Variants in DNAH9 observed in about 807,000 individuals in gnomAD.
The protein encoded by DNAH9 is dynein axonemal heavy chain 9.
A neutral mutation model predicts 471.6 loss-of-function variants in DNAH9; 345 were observed. The ratio of observed to expected loss-of-function variants is 0.73; its 90% CI spans 0.67 to 0.80. The LOEUF is 0.80. Among genes scored for constraint, DNAH9 ranks in the 30% least tolerant of loss-of-function variants. DNAH9 has a pLI of 0.00. For missense variants in DNAH9, 5,407 were observed against 5,609.2 expected, an observed-to-expected ratio of 0.96 and a Z score of 1.15; for synonymous variants, 2,093 against 2,123.6, an observed-to-expected ratio of 0.99 and a Z score of 0.40.
chr17:11,923,837 A>C lies in DNAH9; in HGVS notation c.11773A>C (p.Asn3925His). The C allele has an allele frequency of 6.2e-7, 1 of 1,614,054 alleles. No homozygotes were observed. The highest frequency in any genetic ancestry group is 1.1e-5 in the South Asian group (1 of 91,064). ...SQGRKLGYTFNNQNFHNVSLG... is the reference protein window; with the variant it reads ...SQGRKLGYTFHNQNFHNVSLG... ...AGGAAGAAAACTTGGATACACCTTCAACAATCAGAACTTTCACAACGTGTC... is the reference window on the plus strand; with the variant it reads ...AGGAAGAAAACTTGGATACACCTTCCACAATCAGAACTTTCACAACGTGTC... Residue 3925 changes from asparagine (N) to histidine (H), a missense_variant, in exon 62 of 69, where the codon AAC (asparagine) becomes CAC (histidine). Physicochemically the swap from Asn to His is moderately conservative, Grantham distance 68 (BLOSUM62 1). Around this residue, in one of 3 missense-constraint regions of DNAH9, gnomAD observed 4,636 missense variants for 4,900.3 expected, o/e 0.95. Transcript: ENST00000262442.
At chr17:11,679,109 T>G (rs2150739539) in intron 17 of DNAH9, among the ~76,000 whole-genome samples, 1 of 152,336 alleles carries the variant, frequency 6.6e-6, no homozygotes, top group Non-Finnish European at 1.5e-5. Flanking sequence ...TTAAGCCTTC[T>G]CTTTTATTGT....
chr17:11,830,626 G>T (rs1970654409), intron 48 of DNAH9, among the ~76,000 whole-genome samples: 1 of 152,148 alleles, frequency 6.6e-6, no homozygotes, highest in African/African-American at 2.4e-5. Context: ...ATAGAGAGAG[G>T]AAAGAGAAAA....
At chr17:11,654,328 C>T in intron 14 of DNAH9, among the ~76,000 whole-genome samples, 1 of 38,316 alleles carries the variant, frequency 2.6e-5, no homozygotes, top group African/African-American at 7.8e-5. Flanking sequence ...TGCACTCCAG[C>T]CTGGGCCACA....
chr17:11,746,524 C>G (rs1966885657), intron 31 of DNAH9, among the ~76,000 whole-genome samples: 1 of 152,120 alleles, frequency 6.6e-6, no homozygotes, highest in Non-Finnish European at 1.5e-5. Context: ...GTTATAAAAC[C>G]ATCAGATCTC....
chr17:11,854,682 A>G (rs983656772), intron 50 of DNAH9, among the ~76,000 whole-genome samples: 1 of 152,216 alleles, frequency 6.6e-6, no homozygotes, highest in Non-Finnish European at 1.5e-5. Context: ...CCTTTTCTGA[A>G]CAAAAGGTTA....
chr17:11,668,976 C>A, intron 15 of DNAH9, 88 bp from the exon 16 acceptor site: 1 of 918,570 alleles, frequency 1.1e-6, no homozygotes. Context: ...TAAAGAAAAG[C>A]ATTGCTCTGG....
intron 48 of DNAH9, among the ~76,000 whole-genome samples, chr17:11,829,421 T>C (rs1970614064): frequency 6.6e-6 from 1 of 152,198 alleles, no homozygotes; most frequent in Non-Finnish European, 1.5e-5. Context: ...ATGATGAAAA[T>C]TAACAATTAT....
At chr17:11,736,025 C>A (rs1311390373) in intron 28 of DNAH9, among the ~76,000 whole-genome samples, 1 of 151,978 alleles carries the variant, frequency 6.6e-6, no homozygotes, top group Non-Finnish European at 1.5e-5. Flanking sequence ...TTATTTTGAA[C>A]CAATTTTAGA....
At chr17:11,719,138 C>T (rs1300435793) in intron 26 of DNAH9, among the ~76,000 whole-genome samples, 196 bp from the exon 27 acceptor site, 2 of 152,026 alleles carry the variant, frequency 1.3e-5, no homozygotes, top group East Asian at 3.9e-4. Flanking sequence ...GCCTCTGATG[C>T]CCTGCATGGA....
intron 62 of DNAH9, among the ~76,000 whole-genome samples, chr17:11,925,649 C>G (rs921418909): frequency 6.6e-6 from 1 of 152,150 alleles, no homozygotes; most frequent in Non-Finnish European, 1.5e-5. Flanking sequence ...ACTGTGGTGC[C>G]GCCTCTGCTG....
At chr17:11,884,401 A>T in intron 56 of DNAH9, 2 of 337,114 alleles carry the variant, frequency 5.9e-6, no homozygotes, top group Admixed American at 6.6e-5. Flanking sequence ...CAAACCTCCA[A>T]CAAGGCCTTT....
intron 1 of DNAH9, among the ~76,000 whole-genome samples, chr17:11,603,914 C>T (rs2072440992): frequency 6.6e-6 from 1 of 152,140 alleles, no homozygotes; most frequent in African/African-American, 2.4e-5. Context: ...AGCTCATGAT[C>T]ATCCTCTCTT....
intron 67 of DNAH9, among the ~76,000 whole-genome samples, chr17:11,947,613 A>C (rs1312829216): frequency 6.6e-6 from 1 of 152,062 alleles, no homozygotes; most frequent in African/African-American, 2.4e-5. Context: ...ATAAAAGTTA[A>C]ATTCACCTGT....
chr17:11,666,527 G>A (rs764010935), intron 15 of DNAH9, among the ~76,000 whole-genome samples: 6 of 152,118 alleles, frequency 3.9e-5, no homozygotes, highest in East Asian at 1.9e-4. Flanking sequence ...GAGGCCCTTC[G>A]AATTCTCCTT....
At chr17:11,947,936 T>G (rs1021246660) in intron 67 of DNAH9, among the ~76,000 whole-genome samples, 9 of 151,690 alleles carry the variant, frequency 5.9e-5, no homozygotes, top group African/African-American at 2.2e-4. Context: ...AGCTAATTCT[T>G]GTGTTTCTTT....
chr17:11,711,479 C>T (rs571053006), intron 26 of DNAH9, among the ~76,000 whole-genome samples: 1 of 152,104 alleles, frequency 6.6e-6, no homozygotes, highest in Non-Finnish European at 1.5e-5. Flanking sequence ...CAGTCTACCT[C>T]AAAACTATGT....
intron 27 of DNAH9, among the ~76,000 whole-genome samples, chr17:11,722,771 C>G (rs1326463962): frequency 6.6e-6 from 1 of 152,172 alleles, no homozygotes; most frequent in East Asian, 1.9e-4. Flanking sequence ...ACCTATAAAA[C>G]CAGCCACTTT....
At chr17:11,850,373 G>T (rs564239551) in intron 49 of DNAH9, among the ~76,000 whole-genome samples, 2 of 152,328 alleles carry the variant, frequency 1.3e-5, no homozygotes, top group Non-Finnish European at 2.9e-5. Flanking sequence ...CCCAGGCTAG[G>T]CATGGCGGCT....
chr17:11,716,014 A>G (rs1166125269), intron 26 of DNAH9, among the ~76,000 whole-genome samples: 1 of 151,982 alleles, frequency 6.6e-6, no homozygotes, highest in Non-Finnish European at 1.5e-5. Context: ...CTGCTGGCTC[A>G]GTGGCCCAGG....
Sources: allele counts gnomAD v4.1 joint callset (sites outside exome capture counted in the v4.1 genomes callset), GRCh38; gene constraint gnomAD v4.1.1; regional missense constraint gnomAD v4.1.1; transcripts MANE v1.5; gene names NCBI Gene and HGNC (gene_info 2026-07-23, HGNC 2026-07-21).